The following DYM variants were observed in gnomAD, a reference collection of about 807,000 sequenced individuals.
DYM encodes dymeclin.
DYM carries 78 observed loss-of-function variants against 93.1 expected under a neutral mutation model. The observed-to-expected ratio is 0.84, with a 90% confidence interval of 0.70 to 1.01. DYM has a LOEUF of 1.01. Among genes scored for constraint, DYM ranks in the 50% least tolerant of loss-of-function variants. The probability of loss-of-function intolerance (pLI) is 0.00; values close to 1 mark genes in which losing one functional copy is unlikely to be tolerated. For missense variants in DYM, 789 were observed against 845.0 expected, an observed-to-expected ratio of 0.93 and a Z score of 0.82; for synonymous variants, 321 against 319.7, an observed-to-expected ratio of 1.00 and a Z score of -0.04.
chr18:49,168,347 C>T (rs766485665), intron 14 of DYM, among the ~76,000 whole-genome samples: 4 of 152,212 alleles, frequency 2.6e-5, no homozygotes, highest in African/African-American at 2.4e-5. Context: ...TATTATATAA[C>T]GTTTTAAAAA....
intron 15 of DYM, among the ~76,000 whole-genome samples, chr18:49,147,202 G>A (rs1209758061): frequency 3.4e-4 from 51 of 150,400 alleles, no homozygotes; most frequent in Non-Finnish European, 4.9e-4. Flanking sequence ...AATTCAAGAT[G>A]GATTAAAGAC....
intron 8 of DYM, among the ~76,000 whole-genome samples, chr18:49,330,827 T>C (rs2063254724): frequency 6.6e-6 from 1 of 152,196 alleles, no homozygotes; most frequent in Admixed American, 6.5e-5. Context: ...GGTGTGGCAC[T>C]CTTGGCAGGC....
intron 6 of DYM, among the ~76,000 whole-genome samples, chr18:49,348,137 C>T (rs1444731396): frequency 7.2e-5 from 11 of 152,130 alleles, no homozygotes; most frequent in Admixed American, 7.2e-4. Flanking sequence ...TGGCTAAGAG[C>T]AGTCAACGAA....
At chr18:49,096,444 A>C (rs1040860215) in intron 17 of DYM, among the ~76,000 whole-genome samples, 3 of 152,226 alleles carry the variant, frequency 2.0e-5, no homozygotes, top group African/African-American at 4.8e-5. Context: ...CATAGCCCCC[A>C]AAAACAGTAA....
intron 16 of DYM, among the ~76,000 whole-genome samples, chr18:49,099,738 G>A (rs114962351): frequency 0.019 from 2,862 of 152,062 alleles, 87 homozygotes; most frequent in African/African-American, 0.062. Context: ...ATTCACCCAC[G>A]GTAAGATGCA....
At position 49,452,335 on chromosome 18, in the gene DYM, G is replaced by A. The variant is rs1278457566; in HGVS notation, c.-54+8063C>T. Among the ~76,000 whole-genome samples the A allele has an allele frequency of 3.3e-5, 5 of 152,130 alleles. No homozygotes were observed. The South Asian group carries it at 6.2e-4, about 19-fold the overall frequency. On this transcript the variant is annotated intron_variant, in intron 1 of 17. Transcript: ENST00000675505. ...CAAAGAGTGAAAGAACAAAGCTCCC[G>A]CAGTGTGGAAGGGGACCTGAGCGGG...
At chr18:49,282,458 C>T (rs951012554) in intron 9 of DYM, among the ~76,000 whole-genome samples, 1 of 152,002 alleles carries the variant, frequency 6.6e-6, no homozygotes, top group Non-Finnish European at 1.5e-5. Context: ...ACTAAAAATA[C>T]AGAAATTAGC....
intron 15 of DYM, among the ~76,000 whole-genome samples, chr18:49,120,078 C>CA (rs71165367): frequency 0.26 from 14,371 of 55,674 alleles, 1,875 homozygotes; most frequent in African/African-American, 0.45. Flanking sequence ...GATCCTGTCT[C>CA]AAAAAAAAAA....
chr18:49,389,179 A>G (rs555288946), intron 3 of DYM, among the ~76,000 whole-genome samples: 2 of 152,354 alleles, frequency 1.3e-5, no homozygotes, highest in East Asian at 3.9e-4. Flanking sequence ...TATTTTAGCC[A>G]TACCATCACA....
chr18:49,061,814 T>C (rs1265439013), intron 17 of DYM, among the ~76,000 whole-genome samples: 1 of 152,178 alleles, frequency 6.6e-6, no homozygotes, highest in Non-Finnish European at 1.5e-5. Flanking sequence ...TAGAAATGAA[T>C]CCAAGAGCTT....
intron 8 of DYM, among the ~76,000 whole-genome samples, chr18:49,289,404 TAAAAAAAAA>T (rs56240607): frequency 6.9e-4 from 23 of 33,524 alleles, no homozygotes; most frequent in African/African-American, 1.3e-3. Flanking sequence ...TACAAATCAG[TAAAAAAAAA>T]AAAAAAAAAA....
intron 6 of DYM, among the ~76,000 whole-genome samples, chr18:49,349,596 G>A (rs1280301132): frequency 6.6e-6 from 1 of 152,176 alleles, no homozygotes; most frequent in African/African-American, 2.4e-5. Flanking sequence ...TTCATCAAAT[G>A]TTAGAAATGG....
At chr18:49,365,036 G>C (rs12606515) in intron 5 of DYM, among the ~76,000 whole-genome samples, 13,890 of 152,096 alleles carry the variant, frequency 0.091, 859 homozygotes, top group East Asian at 0.31. Flanking sequence ...TACTTCTAGA[G>C]GATGATGACT....
chr18:49,264,101 GTTT>G (rs66500150), intron 11 of DYM, among the ~76,000 whole-genome samples: 1,993 of 135,556 alleles, frequency 0.015, 40 homozygotes, highest in African/African-American at 0.05. Flanking sequence ...GATGGGCGTT[GTTT>G]TTTTTTTTTT....
At position 49,044,082 on chromosome 18, in the gene DYM, G is replaced by A; in HGVS notation, c.2148C>T (p.Ile716=). 1.2e-6 allele frequency: 2 copies of A among 1,613,860 alleles called. No individual in the cohort carries two copies. The highest frequency in any genetic ancestry group is 1.7e-6 in the Non-Finnish European group (2 of 1,180,032). The change falls in exon 18 of 18, where the codon ATC becomes ATT. Residue 716 remains isoleucine (I), a synonymous_variant. Transcript: ENST00000675505. ...AGTCGGAATCCATGGTGAACAGCTG[G>A]ATGTCCTGTGGATTCCAGTACAGGC... The part of the protein sequence containing the change: ...AVGLYWNPQD[I]QLFTMDSD
In DYM at chr18:49,044,248, C is replaced by A. The variant is rs771471623; in HGVS notation, c.2026-44G>T. 6 of 1,611,104 alleles carry A rather than the reference C, an allele frequency of 3.7e-6. No homozygotes were observed. The East Asian group carries it at 1.1e-4, about 30-fold the overall frequency. On this transcript the variant is annotated intron_variant, in intron 17 of 17. Transcript: ENST00000675505. ...GATTTTATAATCCCACAGTTCCATG[C>A]ACAAGCAAAAGTGGTGAGAGTTTGC...
intron 13 of DYM, among the ~76,000 whole-genome samples, chr18:49,227,671 A>G (rs1318764283): frequency 6.6e-6 from 1 of 152,142 alleles, no homozygotes; most frequent in African/African-American, 2.4e-5. Context: ...TGTAGTCATC[A>G]GAAATTGAAG....
chr18:49,386,966 C>T (rs1274755811), intron 3 of DYM, among the ~76,000 whole-genome samples: 18 of 140,324 alleles, frequency 1.3e-4, no homozygotes, highest in Non-Finnish European at 2.0e-4. Context: ...TTTTTTGAAA[C>T]AGAGTCTCAC....
intron 14 of DYM, among the ~76,000 whole-genome samples, chr18:49,195,551 C>T (rs768778842): frequency 4.1e-4 from 62 of 152,134 alleles, no homozygotes; most frequent in Non-Finnish European, 7.8e-4. Flanking sequence ...CCCTATCCTC[C>T]CCTCCTAGCT....
Sources: gnomAD v4.1 joint callset for allele counts (sites outside exome capture counted in the v4.1 genomes callset) on GRCh38, gnomAD v4.1.1 for gene constraint, MANE v1.5 for transcripts, NCBI Gene and HGNC (gene_info 2026-07-23, HGNC 2026-07-21) for gene names.